Variants in MBNL2 observed in about 807,000 individuals in gnomAD.
The protein encoded by MBNL2 is muscleblind like splicing regulator 2.
In MBNL2, 17 loss-of-function variants were observed where a neutral mutation model predicts 41.9. The ratio of observed to expected loss-of-function variants is 0.41; its 90% CI spans 0.28 to 0.61. The LOEUF (loss-of-function observed/expected upper bound fraction) is 0.61. MBNL2 is among the 20% of genes least tolerant of loss of function. The probability of loss-of-function intolerance (pLI) is 0.35; values close to 1 mark genes in which losing one functional copy is unlikely to be tolerated. For synonymous variants in MBNL2, 195 were observed against 182.9 expected, an observed-to-expected ratio of 1.07 and a Z score of -0.53; for missense variants, 336 against 505.6, an observed-to-expected ratio of 0.66 and a Z score of 3.22.
In MBNL2 at chr13:97,355,601, A is replaced by G. The variant is rs543350985; in HGVS notation, c.805-1195A>G. Among the ~76,000 whole-genome samples, 3 of 152,122 alleles carry G rather than the reference A, an allele frequency of 2.0e-5. No homozygotes were observed. In the South Asian group the frequency reaches 6.2e-4, roughly 32 times the overall value. ...TTATTTGCAAAGAATTCCATCATAG[A>G]ATTTTTAGTTTTTTTTTTACAACAA... On this transcript the variant is annotated intron_variant, in intron 5 of 8. Transcript: ENST00000679496.
At chr13:97,343,483 A>C (rs1215154099) in intron 4 of MBNL2, among the ~76,000 whole-genome samples, 1 of 152,322 alleles carries the variant, frequency 6.6e-6, no homozygotes, top group Non-Finnish European at 1.5e-5. Flanking sequence ...TTAAACAATC[A>C]ATGGAACAGT....
At chr13:97,309,135 A>T (rs533617363) in intron 2 of MBNL2, among the ~76,000 whole-genome samples, 1 of 152,196 alleles carries the variant, frequency 6.6e-6, no homozygotes, top group Non-Finnish European at 1.5e-5. Flanking sequence ...GAGATAAATA[A>T]CAACAACACA....
At chr13:97,330,648 T>C (rs2060353662) in intron 2 of MBNL2, among the ~76,000 whole-genome samples, 1 of 152,254 alleles carries the variant, frequency 6.6e-6, no homozygotes, top group Non-Finnish European at 1.5e-5. Flanking sequence ...TTTACGCTTC[T>C]GCACACTGCC....
intron 8 of MBNL2, among the ~76,000 whole-genome samples, chr13:97,376,841 T>G (rs1289949304): frequency 6.6e-6 from 1 of 152,172 alleles, no homozygotes; most frequent in African/African-American, 2.4e-5. Context: ...AAAATTATGA[T>G]GCAAATTACA....
the MBNL2 span, among the ~76,000 whole-genome samples, chr13:97,205,910 G>A: frequency 3.3e-5 from 5 of 152,194 alleles, no homozygotes; most frequent in South Asian, 4.2e-4. Flanking sequence ...GGAAATCTTC[G>A]AAATATTGGG....
At chr13:97,315,520 T>G (rs932656922) in intron 2 of MBNL2, among the ~76,000 whole-genome samples, 1 of 152,202 alleles carries the variant, frequency 6.6e-6, no homozygotes, top group Non-Finnish European at 1.5e-5. Context: ...GGTTAAGTGC[T>G]GCCCCAGAGG....
chr13:97,253,392 A>G (rs1036527825), intron 1 of MBNL2, among the ~76,000 whole-genome samples: 2 of 152,316 alleles, frequency 1.3e-5, no homozygotes, highest in East Asian at 1.9e-4. Flanking sequence ...TTGTGCCCCA[A>G]ATGTTCATGG....
chr13:97,151,064 A>G, the MBNL2 span, among the ~76,000 whole-genome samples: 4 of 152,306 alleles, frequency 2.6e-5, no homozygotes, highest in Non-Finnish European at 5.9e-5. Flanking sequence ...AACCCTCAAC[A>G]AAGAGGAGCA....
chr13:97,161,276 G>T, the MBNL2 span, among the ~76,000 whole-genome samples: 1 of 152,156 alleles, frequency 6.6e-6, no homozygotes, highest in Non-Finnish European at 1.5e-5. Context: ...ACCTGCTTTT[G>T]CCCACCACCT....
At chr13:97,277,051 G>A (rs2052313081) in intron 2 of MBNL2, among the ~76,000 whole-genome samples, 1 of 152,204 alleles carries the variant, frequency 6.6e-6, no homozygotes, top group Non-Finnish European at 1.5e-5. Flanking sequence ...GGGGACACAT[G>A]CCTTGTGGGA....
the MBNL2 span, among the ~76,000 whole-genome samples, chr13:97,198,087 C>G: frequency 7.1e-4 from 108 of 152,214 alleles, no homozygotes; most frequent in African/African-American, 2.6e-3. Flanking sequence ...AAACATTATT[C>G]TAGGTGATCC....
intron 8 of MBNL2, among the ~76,000 whole-genome samples, chr13:97,372,891 C>G (rs984204030): frequency 3.3e-5 from 5 of 152,146 alleles, no homozygotes; most frequent in Non-Finnish European, 7.3e-5. Flanking sequence ...TTATTCAATG[C>G]CATCTGTCTG....
At chr13:97,320,325 T>C (rs933928032) in intron 2 of MBNL2, among the ~76,000 whole-genome samples, 1 of 151,014 alleles carries the variant, frequency 6.6e-6, no homozygotes, top group East Asian at 2.0e-4. Flanking sequence ...AATGGTGCGA[T>C]CTCGGCTCAC....
intron 1 of MBNL2, among the ~76,000 whole-genome samples, chr13:97,234,289 G>C (rs573853206): frequency 7.9e-5 from 12 of 152,276 alleles, no homozygotes; most frequent in African/African-American, 2.6e-4. Flanking sequence ...TCACGTACTT[G>C]AAGATGTCAG....
chr13:97,374,063 A>ATTTTTTCTTTTTTTTTTTT (rs2064692506), intron 8 of MBNL2, among the ~76,000 whole-genome samples: 1 of 63,128 alleles, frequency 1.6e-5, no homozygotes, highest in Non-Finnish European at 3.1e-5. Flanking sequence ...CCTCCTTTGC[A>ATTTTTTCTTTTTTTTTTTT]TTTTTTTTTT....
chr13:97,158,368 T>C, the MBNL2 span, among the ~76,000 whole-genome samples: 2 of 152,202 alleles, frequency 1.3e-5, no homozygotes, highest in East Asian at 3.9e-4. Context: ...ATTAATTTTT[T>C]GAAGGGTTTT....
At chr13:97,149,319 T>G in the MBNL2 span, among the ~76,000 whole-genome samples, 1,045 of 152,308 alleles carry the variant, frequency 6.9e-3, 10 homozygotes, top group African/African-American at 0.025. Context: ...CAAATTCATC[T>G]GCTTTCTCGT....
the MBNL2 span, among the ~76,000 whole-genome samples, chr13:97,214,513 G>A: frequency 6.6e-6 from 1 of 152,154 alleles, no homozygotes; most frequent in Non-Finnish European, 1.5e-5. Context: ...GAAACAAAAG[G>A]AAAAGTATAG....
chr13:97,163,082 C>T, the MBNL2 span, among the ~76,000 whole-genome samples: 5 of 152,136 alleles, frequency 3.3e-5, no homozygotes, highest in African/African-American at 1.2e-4. Flanking sequence ...ACAACACCAA[C>T]AACAAAGAAT....
Sources: gnomAD v4.1 joint callset for allele counts (sites outside exome capture counted in the v4.1 genomes callset) on GRCh38, gnomAD v4.1.1 for gene constraint, MANE v1.5 for transcripts, NCBI Gene and HGNC (gene_info 2026-07-23, HGNC 2026-07-21) for gene names.